HOOK3: variants seen among roughly 807,000 people sequenced by gnomAD.
HOOK3 encodes the protein hook microtubule tethering protein 3.
A neutral mutation model predicts 116.3 loss-of-function variants in HOOK3; 24 were observed. The observed-to-expected ratio is 0.21, with a 90% confidence interval of 0.15 to 0.29. The LOEUF (loss-of-function observed/expected upper bound fraction) is 0.29, where lower values mean the gene tolerates loss of function less well. HOOK3 is among the 10% of genes least tolerant of loss of function. The pLI is 1.00. For synonymous variants in HOOK3, 275 were observed against 283.0 expected, an observed-to-expected ratio of 0.97 and a Z score of 0.28; for missense variants, 632 against 830.2, an observed-to-expected ratio of 0.76 and a Z score of 2.93.
At chr8:42,951,230 T>G (rs1452052116) in intron 6 of HOOK3, among the ~76,000 whole-genome samples, 1 of 151,972 alleles carries the variant, frequency 6.6e-6, no homozygotes, top group Non-Finnish European at 1.5e-5. Context: ...CTGGCTAGTT[T>G]TTGTATTTTT....
chr8:42,936,013 C>T (rs1239816758), intron 4 of HOOK3, among the ~76,000 whole-genome samples: 1 of 152,146 alleles, frequency 6.6e-6, no homozygotes, highest in African/African-American at 2.4e-5. Flanking sequence ...TTGATTCTTC[C>T]TATCCATGAG....
Position 42,897,119 on chromosome 8 carries a change from C to A in HOOK3, c.-13C>A. ...GGCCAGGCGGTAGGCGCTGCCTGGC[C>A]GCGGCGGGGAAGATGTTCAGCGTAG... On this transcript the variant is annotated 5_prime_UTR_variant, in exon 1 of 22. Transcript: ENST00000307602. 1 of 1,242,566 alleles carries A rather than the reference C, an allele frequency of 8.0e-7. No individual in the cohort carries two copies. The allele number at this position is 1,242,566 out of a possible 1,614,324, so 77.0% of individuals were successfully genotyped here.
At chr8:42,936,036 G>T (rs1158039254) in intron 4 of HOOK3, among the ~76,000 whole-genome samples, 5 of 152,100 alleles carry the variant, frequency 3.3e-5, no homozygotes, top group Non-Finnish European at 5.9e-5. Context: ...TGGAATATTT[G>T]TTCATTTGTT....
At chr8:42,962,048 A>T (rs149741143) in intron 8 of HOOK3, among the ~76,000 whole-genome samples, 2,490 of 151,806 alleles carry the variant, frequency 0.016, 31 homozygotes, top group Non-Finnish European at 0.022. Context: ...CCGTCTCCCA[A>T]AGTGCTGGGA....
intron 1 of HOOK3, among the ~76,000 whole-genome samples, chr8:42,903,829 G>T (rs1408437721): frequency 6.6e-6 from 1 of 151,704 alleles, no homozygotes; most frequent in Non-Finnish European, 1.5e-5. Context: ...GGTAGCGGGC[G>T]CCTGTATTCC....
At chr8:42,938,486 G>A (rs1327141928) in intron 4 of HOOK3, among the ~76,000 whole-genome samples, 1 of 152,040 alleles carries the variant, frequency 6.6e-6, no homozygotes, top group East Asian at 1.9e-4. Context: ...TCTTCATGGT[G>A]TTGATGGTCT....
At chr8:42,976,500 A>G (rs1808832344) in intron 13 of HOOK3, among the ~76,000 whole-genome samples, 1 of 152,004 alleles carries the variant, frequency 6.6e-6, no homozygotes, top group Admixed American at 6.6e-5. Flanking sequence ...ACAAAAAGGA[A>G]AAGAAAAGGG....
chr8:43,008,910 C>T (rs1809549474), intron 18 of HOOK3, among the ~76,000 whole-genome samples: 1 of 151,448 alleles, frequency 6.6e-6, no homozygotes, highest in Admixed American at 6.6e-5. Flanking sequence ...CCGCCCGCCT[C>T]GGCCTCCCAA....
chr8:42,903,892 C>T (rs1427205323), intron 1 of HOOK3, among the ~76,000 whole-genome samples: 1 of 151,516 alleles, frequency 6.6e-6, no homozygotes, highest in Non-Finnish European at 1.5e-5. Context: ...GGAGGCGGAG[C>T]TTGCAGTGAG....
chr8:42,909,904 G>A (rs2130329719), intron 2 of HOOK3, among the ~76,000 whole-genome samples: 1 of 152,352 alleles, frequency 6.6e-6, no homozygotes, highest in African/African-American at 2.4e-5. Flanking sequence ...CATAGAAGCA[G>A]AGAGTAGAAT....
At chr8:42,975,850 G>T (rs573831933) in intron 13 of HOOK3, among the ~76,000 whole-genome samples, 1 of 152,044 alleles carries the variant, frequency 6.6e-6, no homozygotes, top group Admixed American at 6.6e-5. Context: ...GGACTACAGG[G>T]GTGTGCCACC....
At position 42,926,752 on chromosome 8, in the gene HOOK3, T is replaced by A. The variant is rs527394806; in HGVS notation, c.216+1123T>A. ...GTACAGTCCATATTTTATTCAAATT[T>A]CACCAAGGTTACTTGCACTCTATGT... On this transcript the variant is annotated intron_variant, in intron 3 of 21. Transcript: ENST00000307602. Among the ~76,000 whole-genome samples the A allele has an allele frequency of 1.2e-4, 19 of 152,340 alleles. 1 individual carries two copies. In the South Asian group the frequency reaches 3.7e-3, roughly 30 times the overall value.
chr8:42,944,986 A>T (rs1474170442), intron 5 of HOOK3, among the ~76,000 whole-genome samples: 2 of 152,170 alleles, frequency 1.3e-5, no homozygotes, highest in Non-Finnish European at 2.9e-5. Flanking sequence ...CCAATATATT[A>T]TATCATTATT....
At chr8:42,930,227 T>G in intron 4 of HOOK3, 55 bp downstream of exon 4, 1 of 1,390,640 alleles carries the variant, frequency 7.2e-7, no homozygotes, top group Non-Finnish European at 9.6e-7. Flanking sequence ...TAGTTTAATT[T>G]TATAATAGTT....
chr8:42,941,443 G>A (rs1586602018), intron 4 of HOOK3, among the ~76,000 whole-genome samples: 1 of 149,824 alleles, frequency 6.7e-6, no homozygotes, highest in East Asian at 2.0e-4. Flanking sequence ...GTGTGAACCC[G>A]GGAGGCAGAG....
chr8:42,921,176 AAAGT>A (rs1214691136), intron 2 of HOOK3, among the ~76,000 whole-genome samples: 22 of 146,752 alleles, frequency 1.5e-4, no homozygotes, highest in African/African-American at 5.1e-4. Flanking sequence ...TTTTTTTTTT[AAAGT>A]AAGGGATTTT....
At chr8:42,968,265 T>C in intron 11 of HOOK3, 51 bp downstream of exon 11, 1 of 1,316,220 alleles carries the variant, frequency 7.6e-7, no homozygotes, top group Non-Finnish European at 1.1e-6. Flanking sequence ...CTCTCAGTTA[T>C]GACATGTAGC....
chr8:42,965,649 G>A (rs996849689), intron 9 of HOOK3, among the ~76,000 whole-genome samples: 3 of 152,130 alleles, frequency 2.0e-5, no homozygotes, highest in African/African-American at 7.2e-5. Context: ...TGTTAAAACA[G>A]AAATTAAACA....
chr8:42,952,988 T>C (rs907052113), intron 6 of HOOK3, among the ~76,000 whole-genome samples: 1 of 152,008 alleles, frequency 6.6e-6, no homozygotes, highest in East Asian at 1.9e-4. Context: ...CATGTTTATA[T>C]TTCTAGCCGG....
Sources: gnomAD v4.1 joint callset for allele counts (sites outside exome capture counted in the v4.1 genomes callset) on GRCh38, gnomAD v4.1.1 for gene constraint, MANE v1.5 for transcripts, NCBI Gene and HGNC (gene_info 2026-07-23, HGNC 2026-07-21) for gene names.